The following FAM193A variants were observed in gnomAD, a reference collection of about 807,000 sequenced individuals.
The protein encoded by FAM193A is family with sequence similarity 193 member A, also known as protein FAM193A.
A neutral mutation model predicts 126.5 loss-of-function variants in FAM193A; 22 were observed. The ratio of observed to expected loss-of-function variants is 0.17; its 90% CI spans 0.12 to 0.25. The LOEUF (loss-of-function observed/expected upper bound fraction) is 0.25, where lower values mean the gene tolerates loss of function less well. Ranked by LOEUF, FAM193A falls within the 10% of genes least tolerant of loss-of-function variation. The pLI, the probability that FAM193A is intolerant of heterozygous loss-of-function variation, is 1.00. For missense variants in FAM193A, 1,675 were observed against 1,672.8 expected (o/e 1.00, Z -0.02); for synonymous variants, 761 against 646.8 (o/e 1.18, Z -2.68).
intron 20 of FAM193A, among the ~76,000 whole-genome samples, chr4:2,719,726 C>CA (rs1719905691): frequency 7.2e-6 from 1 of 139,356 alleles, no homozygotes; most frequent in South Asian, 2.3e-4. Flanking sequence ...GCCTGGGCAA[C>CA]AGAGAGACAC....
At position 2,700,585 on chromosome 4, in the gene FAM193A, TG is replaced by T. The variant is rs1717607757; in HGVS notation, c.4372+43del. ...CGGGAAGGTATTTCTGAGCGATGCC[TG>T]GTTTTCCATGTGTGATGTGCTAGTA... On this transcript the variant is annotated intron_variant, in intron 19 of 20. Transcript: ENST00000637812. The T allele has an allele frequency of 5.7e-6, 9 of 1,574,998 alleles. No individual in the cohort carries two copies. In the East Asian group the frequency reaches 2.0e-4, roughly 35 times the overall value.
At chr4:2,717,115 G>T (rs1196054743) in intron 20 of FAM193A, among the ~76,000 whole-genome samples, 1 of 152,062 alleles carries the variant, frequency 6.6e-6, no homozygotes, top group Admixed American at 6.6e-5. Flanking sequence ...GACTAACTAG[G>T]ATTACAGGGG....
chr4:2,583,228 C>T (rs1560459937), intron 1 of FAM193A, among the ~76,000 whole-genome samples: 2 of 152,222 alleles, frequency 1.3e-5, no homozygotes, highest in Non-Finnish European at 2.9e-5. Context: ...CCTGCCTCGG[C>T]CTTCCAAAGT....
At chr4:2,535,817 G>A (rs1056670359), upstream of FAM193A, among the ~76,000 whole-genome samples, 4 of 152,198 alleles carry the variant, frequency 2.6e-5, no homozygotes, top group African/African-American at 9.7e-5. Context: ...GGGATAGCAG[G>A]GAGAGGGCGG....
At position 2,694,962 on chromosome 4, in the gene FAM193A, G is replaced by T; in HGVS notation, c.3109G>T (p.Gly1037Trp). The T allele has an allele frequency of 6.2e-7, 1 of 1,601,498 alleles. No individual in the cohort carries two copies. Among genetic ancestry groups the T allele is most frequent in the Admixed American group, 1.7e-5 (1 of 57,686 alleles). ...PSVCSDPDCE[G>W]HRCENGVYDP... Reference sequence around the variant, plus strand: ...GTTTTGCAGTGACCCTGACTGCGAAGGGCACCGCTGCGAGAATGGTGTCTA... The same window carrying T: ...GTTTTGCAGTGACCCTGACTGCGAATGGCACCGCTGCGAGAATGGTGTCTA... Residue 1037 changes from glycine to tryptophan, a missense_variant, in exon 17 of 21, where the codon GGG becomes TGG. This residue lies in a region of FAM193A where 1,186 missense variants were observed against 1,109.2 expected (regional missense o/e 1.07). Transcript: ENST00000637812.
intron 2 of FAM193A, among the ~76,000 whole-genome samples, chr4:2,610,799 G>A (rs1011024448): frequency 6.6e-6 from 1 of 151,360 alleles, no homozygotes; most frequent in Admixed American, 6.6e-5. Flanking sequence ...GTGCAATGGC[G>A]CGATCTCGGC....
chr4:2,706,292 T>C lies in FAM193A; in HGVS notation c.4372+5748T>C, dbSNP rs1320959542. On this transcript the variant is annotated intron_variant, in intron 19 of 20. Transcript: ENST00000637812. Reference sequence around the variant, plus strand: ...GTCCTACAATAAATTTCTTTCTTTCTTTTTTTTTTTTTTTTTTTTTTGAGA... The same window carrying C: ...GTCCTACAATAAATTTCTTTCTTTCCTTTTTTTTTTTTTTTTTTTTTGAGA... 3.7e-4 allele frequency among the ~76,000 whole-genome samples: 17 copies of C among 46,568 alleles called. No homozygotes were observed. The South Asian group carries it at 0.012, about 34-fold the overall frequency. The allele number at this position is 46,568 out of a possible 152,430, so 30.6% of individuals were successfully genotyped here. A position where few individuals can be genotyped will look rare whatever the true frequency, so the allele number is the denominator to read the frequency against.
intron 1 of FAM193A, among the ~76,000 whole-genome samples, chr4:2,569,549 A>T (rs1052491214): frequency 6.6e-6 from 1 of 152,124 alleles, no homozygotes; most frequent in East Asian, 1.9e-4. Context: ...CCCGGTCCGG[A>T]GTGCAGTGGC....
At chr4:2,652,897 G>T (rs1207819589) in intron 7 of FAM193A, among the ~76,000 whole-genome samples, 1 of 152,226 alleles carries the variant, frequency 6.6e-6, no homozygotes, top group Non-Finnish European at 1.5e-5. Context: ...ACCGAGTGCT[G>T]TGCCAAACCC....
chr4:2,683,482 T>C (rs531701606), intron 13 of FAM193A, among the ~76,000 whole-genome samples: 2 of 152,096 alleles, frequency 1.3e-5, no homozygotes, highest in African/African-American at 4.8e-5. Flanking sequence ...TTAATAGAGA[T>C]GAGGTTTCAC....
intron 1 of FAM193A, among the ~76,000 whole-genome samples, chr4:2,591,401 A>G (rs1167901389): frequency 6.6e-6 from 1 of 152,136 alleles, no homozygotes; most frequent in East Asian, 1.9e-4. Flanking sequence ...GGTTTAAGGC[A>G]GAGAATGTTC....
chr4:2,651,224 G>A (rs535919817), intron 7 of FAM193A, among the ~76,000 whole-genome samples: 1 of 152,294 alleles, frequency 6.6e-6, no homozygotes, highest in South Asian at 2.1e-4. Context: ...CACCTACTCA[G>A]GAGGCTGAGG....
intron 6 of FAM193A, among the ~76,000 whole-genome samples, chr4:2,644,623 C>A (rs1744948967): frequency 6.6e-6 from 1 of 152,162 alleles, no homozygotes; most frequent in South Asian, 2.1e-4. Flanking sequence ...TTCCTTTGGG[C>A]TTCCCTAAAT....
chr4:2,690,726 A>G lies in FAM193A; in HGVS notation c.2559A>G (p.Ser853=). The G allele has an allele frequency of 1.1e-5, 17 of 1,613,692 alleles. No individual in the cohort carries two copies. Among genetic ancestry groups the G allele is most frequent in the Non-Finnish European group, 1.4e-5 (16 of 1,179,884 alleles). Reference sequence around the variant, plus strand: ...GTGAAATATTAGGGCCAACACTCTCAGAAACAAGACCGGAAGCCCTTCCAC... The same window carrying G: ...GTGAAATATTAGGGCCAACACTCTCGGAAACAAGACCGGAAGCCCTTCCAC... ...SGSEILGPTL[S]ETRPEALPPP... The change falls in exon 15 of 21, where the codon TCA becomes TCG. Residue 853 remains serine (S), a synonymous_variant. Coordinates refer to ENST00000637812, the MANE Select transcript of FAM193A (RefSeq NM_001366318.2).
intron 20 of FAM193A, among the ~76,000 whole-genome samples, chr4:2,717,009 A>T (rs563422956): frequency 5.1e-4 from 73 of 142,042 alleles, no homozygotes; most frequent in African/African-American, 1.9e-3. Context: ...TTTGAGACAG[A>T]GTCTCTGTCA....
rs1736893882 is a variant in FAM193A at position 2,536,721 on chromosome 4, G to A, written c.-195G>A. On this transcript the variant is annotated 5_prime_UTR_variant, in exon 1 of 21. Transcript: ENST00000637812. Reference sequence around the variant, plus strand: ...GCGGCGCCGGGACTGTGGACTCGCGGTTCCTCCCGCCCAGCGGCCTGCCCC... The same window carrying A: ...GCGGCGCCGGGACTGTGGACTCGCGATTCCTCCCGCCCAGCGGCCTGCCCC... 1 of 151,242 alleles carries A rather than the reference G, an allele frequency of 6.6e-6. No homozygotes were observed. Among genetic ancestry groups the A allele is most frequent in the Non-Finnish European group, 1.5e-5 (1 of 67,568 alleles). 9.4% of individuals were successfully genotyped at this position (151,242 alleles called of 1,614,324 possible). A position where few individuals can be genotyped will look rare whatever the true frequency, so the allele number is the denominator to read the frequency against.
Position 2,568,524 on chromosome 4 carries a change from T to C in FAM193A, c.256-27560T>C, listed in dbSNP as rs191963636. On this transcript the variant is annotated intron_variant, in intron 1 of 20. Transcript: ENST00000637812. ...AGCAGCAAGACCCTGTCTGTAAAAA[T>C]AAATAAATAATTTTAACATCATATT... Among the ~76,000 whole-genome samples, 533 of 152,210 alleles carry C rather than the reference T, an allele frequency of 3.5e-3. 3 individuals carry two copies. The highest frequency in any genetic ancestry group is 0.012 in the African/African-American group (492 of 41,544).
chr4:2,683,290 T>G (rs1330634754), intron 13 of FAM193A, among the ~76,000 whole-genome samples: 1 of 151,970 alleles, frequency 6.6e-6, no homozygotes, highest in East Asian at 1.9e-4. Context: ...TTCTCTTTTT[T>G]TTTTTTTTGT....
At chr4:2,625,179 C>T (rs961259606) in intron 2 of FAM193A, 83 bp from the exon 3 acceptor site, 1 of 601,092 alleles carries the variant, frequency 1.7e-6, no homozygotes, top group Non-Finnish European at 3.0e-6. Context: ...TTTTAAAAGG[C>T]ATTTTTCCTG....
Sources: allele counts gnomAD v4.1 joint callset (sites outside exome capture counted in the v4.1 genomes callset), GRCh38; gene constraint gnomAD v4.1.1; regional missense constraint gnomAD v4.1.1; transcripts MANE v1.5; gene names NCBI Gene and HGNC (gene_info 2026-07-23, HGNC 2026-07-21).